Variants in KIAA1217 observed in about 807,000 individuals in gnomAD.
KIAA1217 encodes KIAA1217.
In KIAA1217, 88 loss-of-function variants were observed where a neutral mutation model predicts 163.9. The ratio of observed to expected loss-of-function variants is 0.54; its 90% CI spans 0.45 to 0.64. The LOEUF (loss-of-function observed/expected upper bound fraction) is 0.64. KIAA1217 is among the 30% of genes least tolerant of loss of function. The pLI is 0.00. For missense variants in KIAA1217, 2,372 were observed against 2,475.0 expected, an observed-to-expected ratio of 0.96 and a Z score of 0.88; for synonymous variants, 903 against 923.1, an observed-to-expected ratio of 0.98 and a Z score of 0.39.
intron 1 of KIAA1217, among the ~76,000 whole-genome samples, chr10:23,819,665 CA>C (rs1339816988): frequency 1.3e-5 from 2 of 152,260 alleles, no homozygotes; most frequent in Non-Finnish European, 1.5e-5. Context: ...CCCATAGACA[CA>C]AAAAATATGT....
intron 1 of KIAA1217, among the ~76,000 whole-genome samples, chr10:23,894,636 T>A (rs964791061): frequency 2.1e-4 from 32 of 149,900 alleles, no homozygotes; most frequent in Middle Eastern, 3.4e-3. Flanking sequence ...ATTGGAAAAA[T>A]CTACTTTAAA....
At chr10:24,418,384 T>G (rs2131481864) in intron 3 of KIAA1217, among the ~76,000 whole-genome samples, 1 of 152,266 alleles carries the variant, frequency 6.6e-6, no homozygotes, top group South Asian at 2.1e-4. Flanking sequence ...TCCCCCAACT[T>G]GAGGACCAAA....
At chr10:24,159,332 A>G (rs1169690802) in intron 2 of KIAA1217, among the ~76,000 whole-genome samples, 2 of 152,212 alleles carry the variant, frequency 1.3e-5, no homozygotes, top group Non-Finnish European at 2.9e-5. Context: ...CATAATAAAC[A>G]TTGTCAATGA....
intron 2 of KIAA1217, among the ~76,000 whole-genome samples, chr10:24,130,837 A>G (rs2063626645): frequency 6.6e-6 from 1 of 152,186 alleles, no homozygotes; most frequent in African/African-American, 2.4e-5. Flanking sequence ...ATCTCTGGCT[A>G]TCTTATGGTT....
intron 2 of KIAA1217, among the ~76,000 whole-genome samples, chr10:24,309,798 G>C (rs186691547): frequency 2.0e-5 from 3 of 152,146 alleles, no homozygotes; most frequent in African/African-American, 4.8e-5. Flanking sequence ...CGTGCACCCA[G>C]CACAGGGTGG....
At chr10:24,509,999 T>C (rs1301572068) in intron 9 of KIAA1217, among the ~76,000 whole-genome samples, 1 of 152,174 alleles carries the variant, frequency 6.6e-6, no homozygotes, top group East Asian at 1.9e-4. Context: ...GAAATCTACA[T>C]ATAAGTGGAC....
At chr10:23,934,327 A>T (rs919659245) in intron 1 of KIAA1217, among the ~76,000 whole-genome samples, 2 of 151,294 alleles carry the variant, frequency 1.3e-5, no homozygotes, top group African/African-American at 4.9e-5. Context: ...TGGGAGTTGA[A>T]CATTGAGAAC....
At chr10:24,404,369 C>G (rs182837568) in intron 3 of KIAA1217, among the ~76,000 whole-genome samples, 52 of 152,124 alleles carry the variant, frequency 3.4e-4, no homozygotes, top group African/African-American at 1.0e-3. Flanking sequence ...GAGATGGAGA[C>G]CCTCCTGGCC....
At chr10:24,328,337 A>G (rs890111617) in intron 2 of KIAA1217, among the ~76,000 whole-genome samples, 1 of 152,154 alleles carries the variant, frequency 6.6e-6, no homozygotes, top group Non-Finnish European at 1.5e-5. Context: ...ATGAGGCATC[A>G]TCATGGGTGA....
chr10:24,381,316 G>A (rs2053266647), intron 3 of KIAA1217, among the ~76,000 whole-genome samples: 1 of 152,154 alleles, frequency 6.6e-6, no homozygotes, highest in Admixed American at 6.5e-5. Flanking sequence ...CAAGCCAAGA[G>A]GCTAGTAGTA....
Position 24,473,781 on chromosome 10 carries a change from G to C in KIAA1217, c.1400G>C (p.Gly467Ala). ...KYPDSHLPTL[G>A]SKTPPASPHR... ...CCGGATAGCCATTTGCCTACACTGG[G>C]CTCCAAAACACCCCCTGCCTCTCCT... The change falls in exon 6 of 21, where the codon GGC becomes GCC. Residue 467 changes from glycine to alanine, a missense_variant. Coordinates refer to ENST00000376454, the MANE Select transcript of KIAA1217 (RefSeq NM_019590.5). The C allele has an allele frequency of 6.2e-7, 1 of 1,614,032 alleles. No homozygotes were observed. Among genetic ancestry groups the C allele is most frequent in the Non-Finnish European group, 8.5e-7 (1 of 1,180,014 alleles).
At position 24,228,671 on chromosome 10, in the gene KIAA1217, T is replaced by A. The variant is rs1688813030; in HGVS notation, c.354+8762T>A. Among the ~76,000 whole-genome samples the A allele has an allele frequency of 2.0e-5, 3 of 152,164 alleles. No homozygotes were observed. The South Asian group carries it at 6.2e-4, about 31-fold the overall frequency. ...CTGGAAGTGGCATATGTCACTTCAC[T>A]TCATAGTAGCTTCTTGGTTCTAGTA... On this transcript the variant is annotated intron_variant, in intron 2 of 20. Coordinates refer to ENST00000376454, the MANE Select transcript of KIAA1217 (RefSeq NM_019590.5).
chr10:23,810,046 C>T (rs1210094230), intron 1 of KIAA1217, among the ~76,000 whole-genome samples: 2 of 151,832 alleles, frequency 1.3e-5, no homozygotes, highest in African/African-American at 2.4e-5. Flanking sequence ...TTTTCCCAAC[C>T]GTAGGCCAAT....
intron 2 of KIAA1217, among the ~76,000 whole-genome samples, chr10:24,308,291 G>C (rs907630701): frequency 6.6e-6 from 1 of 152,188 alleles, no homozygotes; most frequent in African/African-American, 2.4e-5. Context: ...CCCTCGTAAG[G>C]ATATACCGTT....
At chr10:24,319,687 CCA>C (rs1564465482) in intron 2 of KIAA1217, among the ~76,000 whole-genome samples, 1 of 152,192 alleles carries the variant, frequency 6.6e-6, no homozygotes, top group East Asian at 1.9e-4. Context: ...GCCTTGAAGA[CCA>C]CCCCAGGGGT....
Position 24,037,259 on chromosome 10 carries a change from A to C in KIAA1217, c.-171+29885A>C, listed in dbSNP as rs577026050. Among the ~76,000 whole-genome samples the C allele has an allele frequency of 2.0e-5, 3 of 152,288 alleles. No homozygotes were observed. The South Asian group carries it at 6.2e-4, about 32-fold the overall frequency. On this transcript the variant is annotated intron_variant, in intron 2 of 18. Transcript: ENST00000376462. The stretch of plus-strand genomic sequence containing the variant: ...GGCAGGAGGATCACCTGAGGTCAGG[A>C]GTTCAAGACTGGCCTGGCCAACTTG...
chr10:24,169,856 C>G (rs2065540680), intron 2 of KIAA1217, among the ~76,000 whole-genome samples: 1 of 152,058 alleles, frequency 6.6e-6, no homozygotes, highest in Non-Finnish European at 1.5e-5. Flanking sequence ...GTATTCCACA[C>G]TTATAAAACA....
At chr10:24,197,278 A>G (rs2067034110) in intron 2 of KIAA1217, among the ~76,000 whole-genome samples, 1 of 152,258 alleles carries the variant, frequency 6.6e-6, no homozygotes, top group African/African-American at 2.4e-5. Flanking sequence ...CCAGTAATCA[A>G]TCAGAGTTGC....
chr10:24,449,594 T>G (rs2132249907), intron 5 of KIAA1217: 1 of 985,462 alleles, frequency 1.0e-6, no homozygotes, highest in African/African-American at 1.7e-5. Context: ...ATACTGCTCC[T>G]TTAAACCACA....
Sources: allele counts gnomAD v4.1 joint callset (sites outside exome capture counted in the v4.1 genomes callset), GRCh38; gene constraint gnomAD v4.1.1; transcripts MANE v1.5; gene names NCBI Gene and HGNC (gene_info 2026-07-23, HGNC 2026-07-21).